Variants in BIN2 observed in about 807,000 individuals in gnomAD.
The protein encoded by BIN2 is breast cancer associated protein BRAP1.
In BIN2, 43 loss-of-function variants were observed where a neutral mutation model predicts 67.9. The observed-to-expected ratio is 0.63, with a 90% confidence interval of 0.50 to 0.82. The LOEUF (loss-of-function observed/expected upper bound fraction) is 0.82. BIN2 is among the 40% of genes least tolerant of loss of function. The pLI is 0.00. For synonymous variants in BIN2, 244 were observed against 246.8 expected (o/e 0.99, Z 0.11); for missense variants, 581 against 671.6 (o/e 0.87, Z 1.49).
rs1208307560 is a variant in BIN2, at chr12:51,299,087, AAGG to A, written c.602+113_602+115del. The A allele has an allele frequency of 5.7e-3, 3,521 of 617,926 alleles. 5 individuals are homozygous for A. The highest frequency in any genetic ancestry group is 7.0e-3 in the Non-Finnish European group (2,578 of 369,546). The allele number at this position is 617,926 out of a possible 1,614,324, so 38.3% of individuals were successfully genotyped here. On this transcript the variant is annotated intron_variant, in intron 7 of 12. Coordinates refer to ENST00000615107, the MANE Select transcript of BIN2 (RefSeq NM_016293.4). ...GAGACCCTGTCTCGAAAAAAAAAAA[AAGG>A]GGGCGGGGCAGTGTGGGAATTTAAA... is the stretch of plus-strand genomic sequence containing the variant.
chr12:51,314,637 TA>T (rs1164791134), intron 1 of BIN2, among the ~76,000 whole-genome samples: 1 of 151,716 alleles, frequency 6.6e-6, no homozygotes, highest in African/African-American at 2.4e-5. Context: ...CCATCTCTAC[TA>T]AAAATACAAA....
chr12:51,319,762 A>T (rs911559491), intron 1 of BIN2, among the ~76,000 whole-genome samples: 3 of 152,074 alleles, frequency 2.0e-5, no homozygotes, highest in Non-Finnish European at 2.9e-5. Flanking sequence ...ATAGAGCTTT[A>T]AAAAAAATTA....
At chr12:51,305,995 C>A (rs1945858121) in intron 2 of BIN2, among the ~76,000 whole-genome samples, 1 of 151,784 alleles carries the variant, frequency 6.6e-6, no homozygotes, top group African/African-American at 2.4e-5. Flanking sequence ...TGCCACCACG[C>A]CTGGCTAATT....
chr12:51,319,403 G>C (rs1946212039), intron 1 of BIN2, among the ~76,000 whole-genome samples: 1 of 152,190 alleles, frequency 6.6e-6, no homozygotes, highest in African/African-American at 2.4e-5. Context: ...ACATGTTAGG[G>C]CACTTATACT....
rs572287300 is a variant in BIN2 at position 51,295,860 on chromosome 12, C to T, written c.697G>A (p.Glu233Lys). ...TGCTTCTCCAGTTTGCTCATCACCT[C>T]GTAGAGATTGTGGTTCAGCTAGAGC... is the stretch of plus-strand genomic sequence containing the variant. ...EMSKLNHNLY[E>K]VMSKLEKQHS... The change falls in exon 9 of 13, where the codon GAG becomes AAG. Residue 233 changes from glutamate (E) to lysine (K), a missense_variant. Physicochemically the swap from Glu to Lys is moderately conservative, Grantham distance 56. Coordinates refer to ENST00000615107, the MANE Select transcript of BIN2 (RefSeq NM_016293.4). 24 of 1,612,582 alleles carry T rather than the reference C, an allele frequency of 1.5e-5. No homozygotes were observed. The highest frequency in any genetic ancestry group is 1.8e-5 in the Non-Finnish European group (21 of 1,179,372).
At chr12:51,294,775 G>A (rs912983508) in intron 9 of BIN2, among the ~76,000 whole-genome samples, 5 of 152,022 alleles carry the variant, frequency 3.3e-5, no homozygotes, top group African/African-American at 7.2e-5. Flanking sequence ...GTAACATAGC[G>A]GTTACCTTTA....
At chr12:51,303,292 T>C (rs1945780287) in intron 2 of BIN2, 151 bp from the exon 3 acceptor site, 6 of 822,918 alleles carry the variant, frequency 7.3e-6, no homozygotes, top group Non-Finnish European at 1.2e-5. Context: ...TTTACTTTCT[T>C]TACCAACCTG....
chr12:51,324,259 G>A, upstream of BIN2: 1 of 1,424,402 alleles, frequency 7.0e-7, no homozygotes, highest in South Asian at 1.5e-5. Flanking sequence ...CCGCCCCTCA[G>A]CCCACCACTG....
chr12:51,281,617 A>G, intron 12 of BIN2, 89 bp from the exon 13 acceptor site: 1 of 1,344,614 alleles, frequency 7.4e-7, no homozygotes, highest in Non-Finnish European at 1.1e-6. Context: ...CTTCTACTGA[A>G]TTATACTTCA....
At chr12:51,317,394 G>A (rs1215787646) in intron 1 of BIN2, among the ~76,000 whole-genome samples, 1 of 152,268 alleles carries the variant, frequency 6.6e-6, no homozygotes, top group South Asian at 2.1e-4. Context: ...GGGGCTAGGC[G>A]CAGTGGCTCA....
chr12:51,302,160 A>G, intron 4 of BIN2, 45 bp from the exon 5 acceptor site: 1 of 1,413,028 alleles, frequency 7.1e-7, no homozygotes, highest in Non-Finnish European at 1.0e-6. Flanking sequence ...ACTTCCCAAC[A>G]ACAACTGCCT....
At chr12:51,287,202 A>G (rs1945258706) in intron 11 of BIN2, among the ~76,000 whole-genome samples, 1 of 152,000 alleles carries the variant, frequency 6.6e-6, no homozygotes, top group African/African-American at 2.4e-5. Context: ...TGCAGTGGCT[A>G]TTCACAGGTG....
intron 10 of BIN2, among the ~76,000 whole-genome samples, chr12:51,290,378 C>T (rs1236679227): frequency 6.6e-6 from 1 of 151,876 alleles, no homozygotes; most frequent in Non-Finnish European, 1.5e-5. Context: ...ATCTGCCTGC[C>T]TTGGCCTCCC....
chr12:51,307,709 T>G (rs1365621464), intron 2 of BIN2, among the ~76,000 whole-genome samples: 1 of 144,238 alleles, frequency 6.9e-6, no homozygotes, highest in Non-Finnish European at 1.5e-5. Context: ...AAACTCCGTC[T>G]CAAAAAAAAA....
At chr12:51,297,621 C>T (rs1270449618) in intron 7 of BIN2, among the ~76,000 whole-genome samples, 1 of 152,072 alleles carries the variant, frequency 6.6e-6, no homozygotes, top group Non-Finnish European at 1.5e-5. Flanking sequence ...GTTCTGGGAT[C>T]TGGATTCGTC....
At chr12:51,296,463 C>G (rs1171213724) in intron 8 of BIN2, among the ~76,000 whole-genome samples, 2 of 151,380 alleles carry the variant, frequency 1.3e-5, no homozygotes, top group South Asian at 2.1e-4. Flanking sequence ...CGCCACTGCA[C>G]TCCAGCCTAG....
chr12:51,295,635 G>T (rs1213569703), intron 9 of BIN2, among the ~76,000 whole-genome samples, 161 bp downstream of exon 9: 14 of 108,082 alleles, frequency 1.3e-4, no homozygotes, highest in East Asian at 2.6e-4. Context: ...TATATATTTA[G>T]TAAAAAGCAA....
At chr12:51,294,578 A>C (rs1039635819) in intron 9 of BIN2, among the ~76,000 whole-genome samples, 10 of 151,856 alleles carry the variant, frequency 6.6e-5, no homozygotes, top group Non-Finnish European at 1.2e-4. Context: ...AAAAAAAAAA[A>C]AACAAAAAAA....
rs1565672785 is a variant in BIN2 at position 51,291,895 on chromosome 12, CTCT to C, written c.1208_1210del (p.Lys403del). On this transcript the variant is annotated inframe_deletion, in exon 10 of 13. Transcript: ENST00000615107. Reference sequence around the variant, plus strand: ...TGCTGAGGTCCTCTGGATAGAGGCTCTCTTCTTTGGTTGTTCAGATCCTTCACT... The same window carrying C: ...TGCTGAGGTCCTCTGGATAGAGGCTCTCTTTGGTTGTTCAGATCCTTCACT... 5.0e-6 allele frequency: 8 copies of C among 1,614,182 alleles called. No individual in the cohort carries two copies. The highest frequency in any genetic ancestry group is 4.5e-5 in the East Asian group (2 of 44,880).
Sources: gnomAD v4.1 joint callset for allele counts (sites outside exome capture counted in the v4.1 genomes callset) on GRCh38, gnomAD v4.1.1 for gene constraint, MANE v1.5 for transcripts, NCBI Gene and HGNC (gene_info 2026-07-23, HGNC 2026-07-21) for gene names.